The following SNAP91 variants were observed in gnomAD, a reference collection of about 807,000 sequenced individuals.
The protein encoded by SNAP91 is synaptosome associated protein 91.
SNAP91 carries 27 observed loss-of-function variants against 100.3 expected under a neutral mutation model. That is an observed-to-expected ratio of 0.27 (90% CI 0.20 to 0.37). The LOEUF (loss-of-function observed/expected upper bound fraction) is 0.37. Ranked by LOEUF, SNAP91 falls within the 10% of genes least tolerant of loss-of-function variation. SNAP91 has a pLI of 1.00. For missense variants in SNAP91, 986 were observed against 1,123.7 expected (o/e 0.88, Z 1.75); for synonymous variants, 404 against 398.6 (o/e 1.01, Z -0.16).
chr6:83,706,803 A>G (rs552226853), intron 2 of SNAP91, among the ~76,000 whole-genome samples: 22 of 152,354 alleles, frequency 1.4e-4, no homozygotes, highest in African/African-American at 5.3e-4. Flanking sequence ...AAACATCACA[A>G]TAGAACAGAA....
intron 2 of SNAP91, among the ~76,000 whole-genome samples, chr6:83,680,486 C>G (rs911691327): frequency 6.6e-6 from 1 of 152,146 alleles, no homozygotes. Flanking sequence ...GTTCACCAGA[C>G]AGGCAGCTTC....
Position 83,683,350 on chromosome 6 carries a change from G to T in SNAP91, c.131-17769C>A, listed in dbSNP as rs147321540. 7.9e-3 allele frequency among the ~76,000 whole-genome samples: 1,202 copies of T among 152,248 alleles called. 9 individuals are homozygous for T. The highest frequency in any genetic ancestry group is 0.011 in the Non-Finnish European group (715 of 68,010). On this transcript the variant is annotated intron_variant, in intron 2 of 29. Transcript: ENST00000369694. ...AATTTGATCTCCAATGTTGGAGGTC[G>T]GGCCTAATGGAAGGTGTTTGGGCCT... is the stretch of plus-strand genomic sequence containing the variant.
intron 16 of SNAP91, among the ~76,000 whole-genome samples, chr6:83,598,673 A>G (rs985152075): frequency 1.3e-5 from 2 of 152,198 alleles, no homozygotes; most frequent in Admixed American, 6.5e-5. Flanking sequence ...ATTATTCTAG[A>G]GTTCTACCAC....
At chr6:83,635,446 C>T (rs1024492179) in intron 8 of SNAP91, among the ~76,000 whole-genome samples, 3 of 151,914 alleles carry the variant, frequency 2.0e-5, no homozygotes, top group Admixed American at 6.6e-5. Flanking sequence ...CTTCTTTGTA[C>T]TTTTTCTTTT....
At chr6:83,586,560 C>T (rs932540944) in intron 22 of SNAP91, among the ~76,000 whole-genome samples, 1 of 152,210 alleles carries the variant, frequency 6.6e-6, no homozygotes, top group African/African-American at 2.4e-5. Context: ...TCCATTTTTA[C>T]CTTTGTCATC....
chr6:83,697,355 C>CACACAT (rs1554372503), intron 2 of SNAP91, among the ~76,000 whole-genome samples: 2 of 150,632 alleles, frequency 1.3e-5, no homozygotes, highest in Non-Finnish European at 2.9e-5. Context: ...CACACACACA[C>CACACAT]ACACACACAC....
At chr6:83,687,171 T>C (rs1418341964) in intron 2 of SNAP91, among the ~76,000 whole-genome samples, 1 of 152,146 alleles carries the variant, frequency 6.6e-6, no homozygotes, top group African/African-American at 2.4e-5. Flanking sequence ...GTAATATAGA[T>C]AGAGTGAGGT....
chr6:83,698,188 A>G (rs1209345897), intron 2 of SNAP91, among the ~76,000 whole-genome samples: 1 of 152,106 alleles, frequency 6.6e-6, no homozygotes, highest in Non-Finnish European at 1.5e-5. Flanking sequence ...AACAAAGAAT[A>G]GGAAAATAGG....
At chr6:83,691,995 G>A (rs2099136997) in intron 2 of SNAP91, among the ~76,000 whole-genome samples, 1 of 152,066 alleles carries the variant, frequency 6.6e-6, no homozygotes, top group Non-Finnish European at 1.5e-5. Flanking sequence ...ACAGTACAGT[G>A]AAGGCATAAT....
At chr6:83,696,212 C>T (rs2129020198) in intron 2 of SNAP91, among the ~76,000 whole-genome samples, 1 of 152,242 alleles carries the variant, frequency 6.6e-6, no homozygotes, top group Middle Eastern at 3.4e-3. Flanking sequence ...AATTATTTAG[C>T]TAGAAGTTGG....
chr6:83,685,350 G>A lies in SNAP91; in HGVS notation c.131-19769C>T, dbSNP rs553861743. Among the ~76,000 whole-genome samples the A allele has an allele frequency of 1.6e-4, 24 of 152,312 alleles. No homozygotes were observed. The South Asian group carries it at 4.8e-3, about 30-fold the overall frequency. ...AGAAGTAGCAGGAACAATGCCTGCTGTGTTGTTTGGCACAGACTAAGAGAG... is the reference window on the plus strand; with the variant it reads ...AGAAGTAGCAGGAACAATGCCTGCTATGTTGTTTGGCACAGACTAAGAGAG... On this transcript the variant is annotated intron_variant, in intron 2 of 29. Transcript: ENST00000369694.
chr6:83,707,765 G>T (rs2099400273), intron 2 of SNAP91, 33 bp downstream of exon 2: 1 of 1,610,610 alleles, frequency 6.2e-7, no homozygotes. Context: ...CCTCTGCCGT[G>T]CGCATGTCCC....
intron 8 of SNAP91, among the ~76,000 whole-genome samples, chr6:83,630,741 G>A (rs984306564): frequency 6.7e-6 from 1 of 150,114 alleles, no homozygotes; most frequent in Non-Finnish European, 1.5e-5. Context: ...TTCCTTTCTT[G>A]GTTAGTCTTG....
chr6:83,575,632 A>G, intron 25 of SNAP91: 1 of 215,372 alleles, frequency 4.6e-6, no homozygotes, highest in South Asian at 8.6e-5. Context: ...CTAAAAAAGA[A>G]TATATTGTTT....
chr6:83,679,921 A>G (rs1022026776), intron 2 of SNAP91, among the ~76,000 whole-genome samples: 1 of 150,890 alleles, frequency 6.6e-6, no homozygotes. Flanking sequence ...GTCCACTTAC[A>G]TTTTTTTTTC....
chr6:83,633,665 C>T (rs190647320), intron 8 of SNAP91, among the ~76,000 whole-genome samples: 5 of 152,050 alleles, frequency 3.3e-5, no homozygotes, highest in Admixed American at 6.5e-5. Context: ...GGGGGAAAGC[C>T]GACAGTCACA....
At chr6:83,580,368 T>TGAGA (rs147891842) in intron 24 of SNAP91, 82 bp downstream of exon 24, 50 of 1,253,074 alleles carry the variant, frequency 4.0e-5, no homozygotes, top group South Asian at 2.1e-4. Context: ...ACATATGAGA[T>TGAGA]GAGAGAGAGA....
At chr6:83,557,330 C>G (rs1376281755) in intron 28 of SNAP91, among the ~76,000 whole-genome samples, 2 of 151,988 alleles carry the variant, frequency 1.3e-5, no homozygotes, top group East Asian at 1.9e-4. Flanking sequence ...CCAGAAACTA[C>G]TGACTAATTA....
At chr6:83,638,612 G>A (rs1167428667) in intron 8 of SNAP91, among the ~76,000 whole-genome samples, 1 of 152,160 alleles carries the variant, frequency 6.6e-6, no homozygotes, top group African/African-American at 2.4e-5. Flanking sequence ...GGCACTGAAA[G>A]AGGCATTTTT....
Sources: allele counts gnomAD v4.1 joint callset (sites outside exome capture counted in the v4.1 genomes callset), GRCh38; gene constraint gnomAD v4.1.1; transcripts MANE v1.5; gene names NCBI Gene and HGNC (gene_info 2026-07-23, HGNC 2026-07-21).